Variants in MAP3K11 observed in about 807,000 individuals in gnomAD.
MAP3K11 encodes the protein mitogen-activated protein kinase kinase kinase 11.
A neutral mutation model predicts 84.9 loss-of-function variants in MAP3K11; 46 were observed. The ratio of observed to expected loss-of-function variants is 0.54; its 90% confidence interval spans 0.43 to 0.69. The LOEUF is 0.69. MAP3K11 is among the 30% of genes least tolerant of loss of function. MAP3K11 has a pLI of 0.00. For missense variants in MAP3K11, 1,053 were observed against 1,198.3 expected (o/e 0.88, Z 1.79); for synonymous variants, 527 against 514.7 (o/e 1.02, Z -0.32).
rs770265239 is a variant in MAP3K11, at chr11:65,598,444, T to C, written c.2391A>G (p.Ala797=). 1.9e-6 allele frequency: 3 copies of C among 1,609,650 alleles called. No individual in the cohort carries two copies. Among genetic ancestry groups the C allele is most frequent in the Non-Finnish European group, 1.7e-6 (2 of 1,177,652 alleles). ...RPSPLPSPQP[A]PRRAPWTLFP... is the part of the protein sequence containing the mutation. Reference sequence around the variant, plus strand: ...ACAAGGTCCAGGGTGCTCGGCGGGGTGCAGGCTGTGGTGATGGCAGGGGAG... The same window carrying C: ...ACAAGGTCCAGGGTGCTCGGCGGGGCGCAGGCTGTGGTGATGGCAGGGGAG... The change falls in exon 10 of 10, where the codon GCA becomes GCG. Residue 797 remains alanine, a synonymous_variant. Coordinates refer to ENST00000309100, the MANE Select transcript of MAP3K11 (RefSeq NM_002419.4).
intron 6 of MAP3K11, chr11:65,606,356 CTG>C: frequency 2.2e-6 from 1 of 446,538 alleles, no homozygotes; most frequent in South Asian, 5.5e-5. Context: ...CACTTATTAA[CTG>C]TGTAACAAGT....
At position 65,599,888 on chromosome 11, in the gene MAP3K11, G is replaced by C. The variant is rs545874814; in HGVS notation, c.1832-120C>G. 4.8e-6 allele frequency: 5 copies of C among 1,042,750 alleles called. No homozygotes were observed. In the African/African-American group the frequency reaches 8.4e-5, roughly 18 times the overall value. The allele number at this position is 1,042,750 out of a possible 1,614,324, so 64.6% of individuals were successfully genotyped here. ...TCTGCCCTCTACTAGCATCTTCCCT[G>C]GTCCCACAGGTCCCATGGCCTCCCC... On this transcript the variant is annotated intron_variant, in intron 8 of 9. Transcript: ENST00000309100.
Position 65,607,488 on chromosome 11 carries a change from A to G in MAP3K11, c.1271T>C (p.Leu424Pro). 1 of 1,572,632 alleles carries G rather than the reference A, an allele frequency of 6.4e-7. No homozygotes were observed. Among genetic ancestry groups the G allele is most frequent in the Non-Finnish European group, 8.6e-7 (1 of 1,167,942 alleles). ...CCGCTGCTCGCGCGCCGCTCGCGTC[A>G]GCTCCTCCTCGCGGCTCAGTAGTTC... is the stretch of plus-strand genomic sequence containing the variant. ...EKELLSREEE[L>P]TRAAREQRSQ... Residue 424 changes from leucine to proline, a missense_variant, in exon 5 of 10, where the codon CTG (leucine) becomes CCG (proline). Physicochemically the swap from Leu to Pro is moderately conservative, Grantham distance 98. Transcript: ENST00000309100.
rs770023643 is a variant in MAP3K11 at position 65,613,243 on chromosome 11, C to T, written c.514G>A (p.Ala172Thr). 6 of 1,605,014 alleles carry T rather than the reference C, an allele frequency of 3.7e-6. No homozygotes were observed. The highest frequency in any genetic ancestry group is 5.1e-6 in the Non-Finnish European group (6 of 1,174,624). ...RQEARLFAML[A>T]HPNIIALKAV... ...TTGAGGGCAATGATGTTGGGGTGTG[C>T]CAGCATGGCGAAGAGCCGGGCCTCC... The change falls in exon 1 of 10, where the codon GCA (alanine) becomes ACA (threonine). Residue 172 changes from alanine (A) to threonine (T), a missense_variant. Physicochemically the swap from Ala to Thr is moderately conservative, Grantham distance 58 (BLOSUM62 0). Transcript: ENST00000309100.
At chr11:65,607,115 A>G in intron 5 of MAP3K11, 155 bp downstream of exon 5, 2 of 1,105,440 alleles carry the variant, frequency 1.8e-6, no homozygotes, top group African/African-American at 1.7e-5. Flanking sequence ...CCACAGACAG[A>G]AAAAAAACAC....
rs1271785629 is a variant in MAP3K11, at chr11:65,614,040, C to T, written c.-284G>A. ...CTAGCTTGGAGGGACCCGAGCTTCC[C>T]TCGGTTCTGGAGCAGTCCTGGGAGC... On this transcript the variant is annotated 5_prime_UTR_variant, in exon 1 of 10. Coordinates refer to ENST00000309100, the MANE Select transcript of MAP3K11 (RefSeq NM_002419.4). The T allele has an allele frequency of 1.1e-5, 5 of 452,794 alleles. No individual in the cohort carries two copies. In the South Asian group the frequency reaches 1.7e-4, roughly 15 times the overall value. The allele number at this position is 452,794 out of a possible 1,614,324, so 28.0% of individuals were successfully genotyped here.
intron 8 of MAP3K11, among the ~76,000 whole-genome samples, chr11:65,604,096 T>G (rs1854482334): frequency 6.6e-6 from 1 of 152,284 alleles, no homozygotes; most frequent in African/African-American, 2.4e-5. Flanking sequence ...ATATGAAGAA[T>G]TTCTTTGGGT....
At chr11:65,603,349 T>TA (rs1411303739) in intron 8 of MAP3K11, among the ~76,000 whole-genome samples, 2 of 152,236 alleles carry the variant, frequency 1.3e-5, no homozygotes, top group Non-Finnish European at 2.9e-5. Flanking sequence ...GATAGATAGA[T>TA]AGAGGCGAAA....
At chr11:65,608,632 C>G (rs1030815991) in intron 1 of MAP3K11, 184 bp from the exon 2 acceptor site, 1 of 555,664 alleles carries the variant, frequency 1.8e-6, no homozygotes, top group Non-Finnish European at 3.2e-6. Context: ...TTTTTTTTTT[C>G]TTAAGATAGA....
rs757885090 is a variant in MAP3K11, at chr11:65,607,448, C to T, written c.1311G>A (p.Gln437=). The T allele has an allele frequency of 1.3e-6, 2 of 1,530,498 alleles. No homozygotes were observed. The highest frequency in any genetic ancestry group is 2.1e-5 in the Admixed American group (1 of 46,994). 94.8% of individuals were successfully genotyped at this position (1,530,498 alleles called of 1,614,324 possible). Residue 437 remains glutamine (Q), a synonymous_variant, in exon 5 of 10, where the codon CAG becomes CAA. Coordinates refer to ENST00000309100, the MANE Select transcript of MAP3K11 (RefSeq NM_002419.4). ...CCAGCAGGTGCTCGCGCCGCCGCAG[C>T]TGCTCCGCCTGTGACCGCTGCTCGC... The part of the protein sequence containing the change: ...AAREQRSQAE[Q]LRRREHLLAQ...
chr11:65,613,965 TG>T lies in MAP3K11; in HGVS notation c.-210del. The T allele has an allele frequency of 1.6e-6, 1 of 639,134 alleles. No homozygotes were observed. The highest frequency in any genetic ancestry group is 2.2e-5 in the South Asian group (1 of 44,904). The allele number at this position is 639,134 out of a possible 1,614,324, so 39.6% of individuals were successfully genotyped here. A position where few individuals can be genotyped will look rare whatever the true frequency, so the allele number is the denominator to read the frequency against. ...CTGGAGGAGGGCACCCAGGGCAGTG[TG>T]GTCAGGCCGGGGGGGTGGGGCCCCG... On this transcript the variant is annotated 5_prime_UTR_variant, in exon 1 of 10. Transcript: ENST00000309100.
rs1226191671 is a variant in MAP3K11, at chr11:65,613,308, G to C, written c.449C>G (p.Pro150Arg). The C allele has an allele frequency of 2.5e-6, 4 of 1,613,082 alleles. No individual in the cohort carries two copies. Among genetic ancestry groups the C allele is most frequent in the Non-Finnish European group, 3.4e-6 (4 of 1,179,966 alleles). ...GGCTGTCACACTGATGTCCTCATCGGGGTCCTGGCGAGCTGCCTTCACAGC... is the reference window on the plus strand; with the variant it reads ...GGCTGTCACACTGATGTCCTCATCGCGGTCCTGGCGAGCTGCCTTCACAGC... ...LVAVKAARQD[P>R]DEDISVTAES... The change falls in exon 1 of 10, where the codon CCC (proline) becomes CGC (arginine). Residue 150 changes from proline to arginine, a missense_variant. Physicochemically the swap from Pro to Arg is moderately radical, Grantham distance 103 (BLOSUM62 -2). This residue lies in a region of MAP3K11 where 310 missense variants were observed against 464.5 expected (regional missense o/e 0.67). Transcript: ENST00000309100.
In MAP3K11 at chr11:65,605,077, C is replaced by T. The variant is rs184986308; in HGVS notation, c.1831+684G>A. On this transcript the variant is annotated intron_variant, in intron 8 of 9. Transcript: ENST00000309100. Reference sequence around the variant, plus strand: ...GCTGAAGCCTCTCTGGGTTCAAATCCTCAGCTGGGGGTTTGAGGTAGGTTA... The same window carrying T: ...GCTGAAGCCTCTCTGGGTTCAAATCTTCAGCTGGGGGTTTGAGGTAGGTTA... Among the ~76,000 whole-genome samples, 370 of 152,264 alleles carry T rather than the reference C, an allele frequency of 2.4e-3. 2 individuals carry two copies. The highest frequency in any genetic ancestry group is 2.9e-3 in the Non-Finnish European group (200 of 68,016).
Position 65,605,820 on chromosome 11 carries a change from T to A in MAP3K11, c.1772A>T (p.Tyr591Phe), listed in dbSNP as rs1854500342. ...GGGGGATGAGTCATCTGAATCCAGG[T>A]ACCATGTGGCTTCGTCCATGCGGGA... is the stretch of plus-strand genomic sequence containing the variant. ...RRSRMDEATWYLDSDDSSPLG... is the reference protein window; with the variant it reads ...RRSRMDEATWFLDSDDSSPLG... The change falls in exon 8 of 10, where the codon TAC becomes TTC. Residue 591 changes from tyrosine to phenylalanine, a missense_variant. Coordinates refer to ENST00000309100, the MANE Select transcript of MAP3K11 (RefSeq NM_002419.4). The A allele has an allele frequency of 1.2e-6, 2 of 1,613,116 alleles. No homozygotes were observed. Among genetic ancestry groups the A allele is most frequent in the Non-Finnish European group, 1.7e-6 (2 of 1,179,550 alleles).
intron 4 of MAP3K11, 39 bp downstream of exon 4, chr11:65,607,602 G>T: frequency 6.4e-7 from 1 of 1,574,184 alleles, no homozygotes. Flanking sequence ...AGATCGGGGA[G>T]ACACTCGTTC....
In MAP3K11 at chr11:65,613,355, G is replaced by T; in HGVS notation, c.402C>A (p.Gly134=). Reference sequence around the variant, plus strand: ...CAGCCACCAGCTCACCTCGCCAGCTGCCCCTGTACACCTTGCCAAAGCCTC... The same window carrying T: ...CAGCCACCAGCTCACCTCGCCAGCTTCCCCTGTACACCTTGCCAAAGCCTC... ...GIGGFGKVYR[G]SWRGELVAVK... Residue 134 remains glycine, a synonymous_variant, in exon 1 of 10, where the codon GGC becomes GGA. Coordinates refer to ENST00000309100, the MANE Select transcript of MAP3K11 (RefSeq NM_002419.4). The T allele has an allele frequency of 6.2e-7, 1 of 1,613,022 alleles. No homozygotes were observed. Among genetic ancestry groups the T allele is most frequent in the Non-Finnish European group, 8.5e-7 (1 of 1,179,922 alleles).
chr11:65,603,966 C>T (rs1284930625), intron 8 of MAP3K11, among the ~76,000 whole-genome samples: 1 of 152,304 alleles, frequency 6.6e-6, no homozygotes, highest in East Asian at 1.9e-4. Flanking sequence ...GGGGCTGGAC[C>T]AAGAAAGAAG....
intron 5 of MAP3K11, 50 bp from the exon 6 acceptor site, chr11:65,606,854 G>C (rs373978204): frequency 7.9e-7 from 1 of 1,259,266 alleles, no homozygotes; most frequent in Non-Finnish European, 1.1e-6. Flanking sequence ...ATGAAGTAGA[G>C]CCAGGACCCC....
Position 65,612,973 on chromosome 11 carries a change from TGTACC to T in MAP3K11, c.739+40_739+44del, listed in dbSNP as rs1253871901. 16 of 1,506,206 alleles carry T rather than the reference TGTACC, an allele frequency of 1.1e-5. No individual in the cohort carries two copies. The Admixed American group carries it at 1.2e-4, about 11-fold the overall frequency. 93.3% of individuals were successfully genotyped at this position (1,506,206 alleles called of 1,614,324 possible). A position where few individuals can be genotyped will look rare whatever the true frequency, so the allele number is the denominator to read the frequency against. On this transcript the variant is annotated intron_variant, in intron 1 of 9. Coordinates refer to ENST00000309100, the MANE Select transcript of MAP3K11 (RefSeq NM_002419.4). The stretch of plus-strand genomic sequence containing the variant: ...CTCAGTGGAAGGTTGGGAGCAGGTG[TGTACC>T]AGAGCCATGCCACCCCCAACCATGC...
Sources: gnomAD v4.1 joint callset for allele counts (sites outside exome capture counted in the v4.1 genomes callset) on GRCh38, gnomAD v4.1.1 for gene constraint, gnomAD v4.1.1 regional missense constraint, MANE v1.5 for transcripts, NCBI Gene and HGNC (gene_info 2026-07-23, HGNC 2026-07-21) for gene names.